Variants in DGKB observed in about 807,000 individuals in gnomAD.
DGKB encodes the protein 90 kDa diacylglycerol kinase.
Under a neutral mutation model 114.3 loss-of-function variants are expected in DGKB, and 67 were observed. That is an observed-to-expected ratio of 0.59 (90% CI 0.48 to 0.72). The LOEUF (loss-of-function observed/expected upper bound fraction) is 0.72, where lower values mean the gene tolerates loss of function less well. Among genes scored for constraint, DGKB ranks in the 30% least tolerant of loss-of-function variants. The pLI is 0.00. For missense variants in DGKB, 907 were observed against 975.2 expected (o/e 0.93, Z 0.93); for synonymous variants, 398 against 323.1 (o/e 1.23, Z -2.49).
At chr7:14,529,592 G>C (rs868527545) in intron 20 of DGKB, among the ~76,000 whole-genome samples, 1 of 151,564 alleles carries the variant, frequency 6.6e-6, no homozygotes, top group Non-Finnish European at 1.5e-5. Context: ...AAATGTATTG[G>C]AGCAATAGTT....
intron 4 of DGKB, among the ~76,000 whole-genome samples, chr7:14,744,683 G>A (rs1459812560): frequency 1.3e-5 from 2 of 152,150 alleles, no homozygotes; most frequent in Non-Finnish European, 2.9e-5. Context: ...TATGCAAACT[G>A]TCAGGCCAAG....
At chr7:14,354,202 T>C (rs1814036008) in intron 21 of DGKB, among the ~76,000 whole-genome samples, 2 of 152,188 alleles carry the variant, frequency 1.3e-5, no homozygotes, top group African/African-American at 4.8e-5. Flanking sequence ...ATGTACAGCC[T>C]AGTGAAAATT....
chr7:14,572,440 A>C (rs1214055650), intron 20 of DGKB, among the ~76,000 whole-genome samples: 1 of 151,792 alleles, frequency 6.6e-6, no homozygotes, highest in Non-Finnish European at 1.5e-5. Flanking sequence ...TGACAGAGCG[A>C]GACACCATCT....
intron 23 of DGKB, among the ~76,000 whole-genome samples, chr7:14,253,432 C>T (rs1009000159): frequency 2.6e-5 from 4 of 152,138 alleles, no homozygotes; most frequent in Non-Finnish European, 5.9e-5. Context: ...TATGTGATCT[C>T]CTCTACATCT....
At chr7:14,925,234 T>C (rs74527793) in intron 1 of DGKB, among the ~76,000 whole-genome samples, 62 of 152,332 alleles carry the variant, frequency 4.1e-4, no homozygotes, top group African/African-American at 1.5e-3. Context: ...ACTGTGACCA[T>C]CAGTGAAAAA....
chr7:14,930,953 A>G (rs906608286), intron 1 of DGKB, among the ~76,000 whole-genome samples: 1 of 152,054 alleles, frequency 6.6e-6, no homozygotes, highest in Non-Finnish European at 1.5e-5. Context: ...TTCTTTGTCT[A>G]TTGAGATTAT....
intron 25 of DGKB, among the ~76,000 whole-genome samples, chr7:14,169,285 A>T (rs1780472200): frequency 6.6e-6 from 1 of 151,058 alleles, no homozygotes; most frequent in Non-Finnish European, 1.5e-5. Context: ...GAATGGCGTG[A>T]ACCCGGGAGG....
At chr7:14,457,051 T>A (rs988404553) in intron 21 of DGKB, among the ~76,000 whole-genome samples, 9 of 152,198 alleles carry the variant, frequency 5.9e-5, no homozygotes, top group African/African-American at 1.9e-4. Context: ...CAGCATTAAC[T>A]GCTTTTCAAG....
chr7:14,916,179 C>G (rs1784231299), intron 1 of DGKB, among the ~76,000 whole-genome samples: 1 of 151,362 alleles, frequency 6.6e-6, no homozygotes, highest in Non-Finnish European at 1.5e-5. Context: ...CTGAGATAAC[C>G]CCTAACATTT....
At chr7:14,401,990 G>A (rs13310791) in intron 21 of DGKB, among the ~76,000 whole-genome samples, 2 of 137,504 alleles carry the variant, frequency 1.5e-5, no homozygotes, top group Admixed American at 7.7e-5. Context: ...ACACACACCC[G>A]CTATTCAGCT....
chr7:14,210,175 T>G (rs950928218), intron 23 of DGKB, among the ~76,000 whole-genome samples: 3 of 152,084 alleles, frequency 2.0e-5, no homozygotes, highest in Non-Finnish European at 4.4e-5. Context: ...CTGCATCAGA[T>G]TATCTCCTAT....
intron 20 of DGKB, among the ~76,000 whole-genome samples, chr7:14,500,944 CAT>C (rs1347727936): frequency 1.3e-5 from 2 of 151,818 alleles, no homozygotes; most frequent in African/African-American, 4.8e-5. Flanking sequence ...AGTGTTCAGA[CAT>C]ATTCTAGCTG....
chr7:14,669,374 G>T (rs1818572518), intron 13 of DGKB, among the ~76,000 whole-genome samples: 1 of 151,966 alleles, frequency 6.6e-6, no homozygotes, highest in Non-Finnish European at 1.5e-5. Flanking sequence ...TACACTCAGG[G>T]CTAGCCACTA....
Position 14,698,124 on chromosome 7 carries a change from G to C in DGKB, c.562C>G (p.Leu188Val). 2.6e-6 allele frequency: 4 copies of C among 1,543,946 alleles called. No homozygotes were observed. Among genetic ancestry groups the C allele is most frequent in the African/African-American group, 1.4e-5 (1 of 70,594 alleles). ...ISQMMHVAEY[L>V]EWDVTELNPI... ...TTAAGTTCAGTGACATCCCACTCAA[G>C]GTATTCTGCAACATGCATCATCTGA... The change falls in exon 8 of 26, where the codon CTT becomes GTT. Residue 188 changes from leucine (L) to valine (V), a missense_variant. Physicochemically the swap from Leu to Val is conservative, Grantham distance 32. Around this residue, in one of 3 missense-constraint regions of DGKB, gnomAD observed 814 missense variants for 856.6 expected, o/e 0.95. Transcript: ENST00000402815.
intron 23 of DGKB, among the ~76,000 whole-genome samples, chr7:14,188,723 A>G (rs1049570058): frequency 6.7e-6 from 1 of 149,452 alleles, no homozygotes; most frequent in Non-Finnish European, 1.5e-5. Flanking sequence ...ATTCTCTCTG[A>G]GGCATATTAT....
intron 5 of DGKB, among the ~76,000 whole-genome samples, chr7:14,728,133 T>C (rs2128378116): frequency 6.6e-6 from 1 of 152,314 alleles, no homozygotes; most frequent in Admixed American, 6.5e-5. Flanking sequence ...CAGTGCAAAT[T>C]AACCATTGCC....
chr7:14,378,316 C>T (rs1818824329), intron 21 of DGKB, among the ~76,000 whole-genome samples: 1 of 152,010 alleles, frequency 6.6e-6, no homozygotes, highest in Non-Finnish European at 1.5e-5. Flanking sequence ...TCCATTTGCC[C>T]ACATAAACAG....
intron 23 of DGKB, among the ~76,000 whole-genome samples, chr7:14,207,209 A>G (rs2128298028): frequency 6.6e-6 from 1 of 152,150 alleles, no homozygotes; most frequent in Non-Finnish European, 1.5e-5. Context: ...TGATCCATCA[A>G]CATATGATCC....
chr7:14,151,081 G>A (rs182206970), intron 25 of DGKB, among the ~76,000 whole-genome samples: 73 of 152,080 alleles, frequency 4.8e-4, no homozygotes, highest in Admixed American at 3.6e-3. Context: ...ATCATTTTAC[G>A]CACAAATGTC....
Sources: gnomAD v4.1 joint callset for allele counts (sites outside exome capture counted in the v4.1 genomes callset) on GRCh38, gnomAD v4.1.1 for gene constraint, gnomAD v4.1.1 regional missense constraint, MANE v1.5 for transcripts, NCBI Gene and HGNC (gene_info 2026-07-23, HGNC 2026-07-21) for gene names.